The following IFT52 variants were observed in gnomAD, a reference collection of about 807,000 sequenced individuals.
IFT52 encodes the protein intraflagellar transport 52, also known as intraflagellar transport protein 52 homolog.
A neutral mutation model predicts 54.4 loss-of-function variants in IFT52; 44 were observed. The ratio of observed to expected loss-of-function variants is 0.81; its 90% CI spans 0.63 to 1.04. IFT52 has a LOEUF of 1.04. IFT52 is among the 50% of genes least tolerant of loss of function. The pLI is 0.00. For missense variants in IFT52, 452 were observed against 523.6 expected, an observed-to-expected ratio of 0.86 and a Z score of 1.33; for synonymous variants, 181 against 185.3, an observed-to-expected ratio of 0.98 and a Z score of 0.19.
At chr20:43,635,187 GAAAA>G (rs111707040) in intron 10 of IFT52, among the ~76,000 whole-genome samples, 2 of 144,034 alleles carry the variant, frequency 1.4e-5, no homozygotes, top group Admixed American at 6.9e-5. Flanking sequence ...GAGAGAGAGA[GAAAA>G]AAAAAAAAAG....
chr20:43,596,413 G>T, intron 2 of IFT52, 22 bp from the exon 3 acceptor site: 1 of 1,458,518 alleles, frequency 6.9e-7, no homozygotes, highest in African/African-American at 1.4e-5. Context: ...CTTCATATTT[G>T]CTTTTAAAAT....
At position 43,627,469 on chromosome 20, in the gene IFT52, A is replaced by G. The variant is rs182220388; in HGVS notation, c.923+3424A>G. Among the ~76,000 whole-genome samples the G allele has an allele frequency of 1.5e-3, 235 of 152,352 alleles. 1 individual carries two copies. The highest frequency in any genetic ancestry group is 5.3e-3 in the African/African-American group (220 of 41,588). On this transcript the variant is annotated intron_variant, in intron 10 of 13. Transcript: ENST00000373030. ...AAATTGGTTTAAGAGAGAATTGGAC[A>G]TAGCAAACATAGATAGCTCTTTTAT... is the stretch of plus-strand genomic sequence containing the variant.
In IFT52 at chr20:43,647,010, G is replaced by A. The variant is rs778281907; in HGVS notation, c.*27G>A. On this transcript the variant is annotated 3_prime_UTR_variant, in exon 14 of 14. Coordinates refer to ENST00000373030, the MANE Select transcript of IFT52 (RefSeq NM_016004.5). ...GACCATGCCTCTTGAAGCTTTTTCT[G>A]CCTCCTGATTCTCTCTTTGTAAACT... 4.4e-6 allele frequency: 7 copies of A among 1,595,384 alleles called. No individual in the cohort carries two copies. The African/African-American group carries it at 9.4e-5, about 21-fold the overall frequency.
At chr20:43,634,835 CT>C (rs1466174067) in intron 10 of IFT52, among the ~76,000 whole-genome samples, 1 of 152,084 alleles carries the variant, frequency 6.6e-6, no homozygotes, top group Non-Finnish European at 1.5e-5. Flanking sequence ...GTATTCTCCC[CT>C]ATGTGTCTGT....
Position 43,620,894 on chromosome 20 carries a change from A to G in IFT52, c.737A>G (p.His246Arg). ...CAGTGGCTCACGACAGGAGACATCC[A>G]CCTAAACCAGATTGATGCTGAGGAC... ...VFQWLTTGDI[H>R]LNQIDAEDPE... The change falls in exon 9 of 14, where the codon CAC becomes CGC. Residue 246 changes from histidine (H) to arginine (R), a missense_variant. By Grantham distance (29) the His-to-Arg change is conservative. Coordinates refer to ENST00000373030, the MANE Select transcript of IFT52 (RefSeq NM_016004.5). 2.5e-6 allele frequency: 4 copies of G among 1,612,516 alleles called. No homozygotes were observed. Among genetic ancestry groups the G allele is most frequent in the Non-Finnish European group, 3.4e-6 (4 of 1,179,362 alleles).
At chr20:43,630,726 G>T (rs946659279) in intron 10 of IFT52, among the ~76,000 whole-genome samples, 1 of 152,192 alleles carries the variant, frequency 6.6e-6, no homozygotes, top group African/African-American at 2.4e-5. Context: ...AGTGCCAGAG[G>T]TCAGGCCATT....
intron 10 of IFT52, among the ~76,000 whole-genome samples, chr20:43,630,253 C>T (rs1210618296): frequency 6.6e-6 from 1 of 152,206 alleles, no homozygotes; most frequent in Non-Finnish European, 1.5e-5. Context: ...TGCAGTCTGA[C>T]CAGCTTCTGC....
chr20:43,611,562 C>T (rs1360358518), intron 6 of IFT52, among the ~76,000 whole-genome samples: 2 of 148,478 alleles, frequency 1.3e-5, no homozygotes, highest in Non-Finnish European at 1.5e-5. Flanking sequence ...TCCTGACTCC[C>T]GAGTAGCTGG....
At chr20:43,622,783 A>T (rs1984431981) in intron 9 of IFT52, among the ~76,000 whole-genome samples, 1 of 146,726 alleles carries the variant, frequency 6.8e-6, no homozygotes, top group Non-Finnish European at 1.5e-5. Context: ...TGTAAATATA[A>T]ATATATACAT....
chr20:43,622,768 T>TATAAATATATACATATTTTTA (rs1568768335), intron 9 of IFT52, among the ~76,000 whole-genome samples: 1 of 107,404 alleles, frequency 9.3e-6, no homozygotes, highest in African/African-American at 4.6e-5. Context: ...TATATACAAA[T>TATAAATATATACATATTTTTA]TGTGTGTAAA....
At position 43,594,558 on chromosome 20, in the gene IFT52, T is replaced by G. The variant is rs181146490; in HGVS notation, c.-6-135T>G. 133 of 608,726 alleles carry G rather than the reference T, an allele frequency of 2.2e-4. No individual in the cohort carries two copies. In the African/African-American group the frequency reaches 2.2e-3, roughly 10 times the overall value. The allele number at this position is 608,726 out of a possible 1,614,324, so 37.7% of individuals were successfully genotyped here. A position where few individuals can be genotyped will look rare whatever the true frequency, so the allele number is the denominator to read the frequency against. The stretch of plus-strand genomic sequence containing the variant: ...CATTTCACTCTCAACCTTTGAGAAT[T>G]GTAGGAGTTTCCTAGATAGGTTTCA... On this transcript the variant is annotated intron_variant, in intron 1 of 13. Coordinates refer to ENST00000373030, the MANE Select transcript of IFT52 (RefSeq NM_016004.5).
At chr20:43,605,299 A>T (rs1982775386) in intron 6 of IFT52, 1 of 1,187,924 alleles carries the variant, frequency 8.4e-7, no homozygotes, top group African/African-American at 1.6e-5. Flanking sequence ...TAATCCTAGC[A>T]CTTTTGGGAG....
intron 3 of IFT52, among the ~76,000 whole-genome samples, chr20:43,598,971 A>G (rs1003116170): frequency 1.3e-5 from 2 of 152,106 alleles, no homozygotes; most frequent in African/African-American, 4.8e-5. Flanking sequence ...GAAGAGGTCC[A>G]CTGGGGAGCA....
intron 7 of IFT52, among the ~76,000 whole-genome samples, chr20:43,618,643 G>A (rs1984040088): frequency 1.2e-5 from 1 of 81,330 alleles, no homozygotes; most frequent in South Asian, 4.5e-4. Flanking sequence ...CACCACACCT[G>A]GCTGATTTTT....
chr20:43,605,330 T>A, intron 6 of IFT52: 1 of 767,304 alleles, frequency 1.3e-6, no homozygotes, highest in Non-Finnish European at 1.8e-6. Flanking sequence ...GTGGCCCACC[T>A]GAGGTCAGGA....
At position 43,603,784 on chromosome 20, in the gene IFT52, G is replaced by A; in HGVS notation, c.232G>A (p.Asp78Asn). The change falls in exon 4 of 14, where the codon GAC becomes AAC. Residue 78 changes from aspartate (D) to asparagine (N), a missense_variant. By Grantham distance (23) the Asp-to-Asn change is conservative (BLOSUM62 1). Transcript: ENST00000373030. ...GTTTGAAATCCTGAAGAAATATCTTGACACTGGTGGAGATGTCTTTGTGAT... is the reference window on the plus strand; with the variant it reads ...GTTTGAAATCCTGAAGAAATATCTTAACACTGGTGGAGATGTCTTTGTGAT... ...AEFEILKKYL[D>N]TGGDVFVMLG... The A allele has an allele frequency of 6.2e-7, 1 of 1,611,800 alleles. No individual in the cohort carries two copies. Among genetic ancestry groups the A allele is most frequent in the Non-Finnish European group, 8.5e-7 (1 of 1,178,940 alleles).
chr20:43,612,954 G>A (rs1397061229), intron 6 of IFT52, among the ~76,000 whole-genome samples: 1 of 151,984 alleles, frequency 6.6e-6, no homozygotes, highest in Non-Finnish European at 1.5e-5. Context: ...TCCTACATGG[G>A]TTGGCTTCAC....
chr20:43,627,922 G>GTTTTTTTTTTTTT (rs554920528), intron 10 of IFT52, among the ~76,000 whole-genome samples: 1 of 56,086 alleles, frequency 1.8e-5, no homozygotes, highest in Non-Finnish European at 2.9e-5. Context: ...GAGAGAGAGA[G>GTTTTTTTTTTTTT]TTTTTTTTTT....
chr20:43,620,825 G>T (rs1253410208), intron 8 of IFT52, 32 bp from the exon 9 acceptor site: 5 of 1,496,584 alleles, frequency 3.3e-6, no homozygotes, highest in Non-Finnish European at 4.6e-6. Context: ...ATAACCAACT[G>T]TCCTAATTAT....
Sources: allele counts gnomAD v4.1 joint callset (sites outside exome capture counted in the v4.1 genomes callset), GRCh38; gene constraint gnomAD v4.1.1; transcripts MANE v1.5; gene names NCBI Gene and HGNC (gene_info 2026-07-23, HGNC 2026-07-21).